TRMT9B: variants seen among roughly 807,000 people sequenced by gnomAD.
TRMT9B encodes probable tRNA methyltransferase 9B.
In TRMT9B, 16 loss-of-function variants were observed where a neutral mutation model predicts 11.5. The observed-to-expected ratio is 1.39, with a 90% confidence interval of 0.94 to 2.11. The LOEUF is 2.11. Ranked by LOEUF, TRMT9B falls within the 30% of genes most tolerant of loss-of-function variation. The pLI, the probability that TRMT9B is intolerant of heterozygous loss-of-function variation, is 0.00. For synonymous variants in TRMT9B, 274 were observed against 192.4 expected, an observed-to-expected ratio of 1.42 and a Z score of -3.51; for missense variants, 941 against 553.8, an observed-to-expected ratio of 1.70 and a Z score of -7.02.
intron 1 of TRMT9B, among the ~76,000 whole-genome samples, chr8:12,949,646 T>A (rs1190396895): frequency 1.3e-5 from 2 of 152,174 alleles, no homozygotes; most frequent in Non-Finnish European, 2.9e-5. Flanking sequence ...TCTCTAGGGA[T>A]TCTACATGTC....
intron 1 of TRMT9B, among the ~76,000 whole-genome samples, chr8:12,968,261 T>A (rs1327619950): frequency 9.9e-5 from 15 of 151,888 alleles, no homozygotes; most frequent in Non-Finnish European, 2.2e-4. Context: ...TCTACAGGAG[T>A]ATATGACTTT....
chr8:12,967,802 A>G (rs1803029579), intron 1 of TRMT9B, among the ~76,000 whole-genome samples: 1 of 152,240 alleles, frequency 6.6e-6, no homozygotes, highest in African/African-American at 2.4e-5. Context: ...ATGGGTTTTG[A>G]AGCATTGTTA....
Position 13,021,766 on chromosome 8 carries a change from G to T in TRMT9B, c.1087G>T (p.Gly363Cys), listed in dbSNP as rs1457009357. Residue 363 changes from glycine (G) to cysteine (C), a missense_variant, in exon 5 of 5, where the codon GGC becomes TGC. By Grantham distance (159) the Gly-to-Cys change is radical (BLOSUM62 -3). Transcript: ENST00000524591. ...TACTGGTGTGAATTGTGTGGATGCA[G>T]GCAACATAGAAGATGATAATCCTTC... Reference protein sequence around the residue: ...TNTGVNCVDAGNIEDDNPSAS... With the variant: ...TNTGVNCVDACNIEDDNPSAS... The T allele has an allele frequency of 6.2e-7, 1 of 1,613,834 alleles. No homozygotes were observed. Among genetic ancestry groups the T allele is most frequent in the African/African-American group, 1.3e-5 (1 of 74,926 alleles).
rs6986011 is a variant in TRMT9B at position 13,023,025 on chromosome 8, A to G, written c.*981A>G. On this transcript the variant is annotated 3_prime_UTR_variant, in exon 5 of 5. Transcript: ENST00000524591. ...AATAATAAAGGCGTTGTTAGCTTGT[A>G]AGGAGTGGAGTATGTAGGTAGTAGG... 2,743 of 167,086 alleles carry G rather than the reference A, an allele frequency of 0.016. 37 individuals carry two copies. Among genetic ancestry groups the G allele is most frequent in the Middle Eastern group, 0.054 (16 of 296 alleles). 10.4% of individuals were successfully genotyped at this position (167,086 alleles called of 1,614,324 possible). A position where few individuals can be genotyped will look rare whatever the true frequency, so the allele number is the denominator to read the frequency against.
In TRMT9B at chr8:13,027,208, T is replaced by C. The variant is rs1814790769; in HGVS notation, c.*5164T>C. 6.0e-6 allele frequency: 1 copy of C among 167,234 alleles called. No individual in the cohort carries two copies. The highest frequency in any genetic ancestry group is 2.4e-5 in the African/African-American group (1 of 41,584). 10.4% of individuals were successfully genotyped at this position (167,234 alleles called of 1,614,324 possible). ...TACATATGATACAAGGTAATGACTA[T>C]CTGGCATCTTGAAGGTACCCAGAAT... On this transcript the variant is annotated 3_prime_UTR_variant, in exon 5 of 5. Transcript: ENST00000524591.
chr8:12,953,629 G>A (rs982275157), intron 1 of TRMT9B, among the ~76,000 whole-genome samples: 1 of 152,146 alleles, frequency 6.6e-6, no homozygotes, highest in East Asian at 1.9e-4. Context: ...TTTAGCTAAC[G>A]AATGGTTAAC....
rs1585094941 is a variant in TRMT9B, at chr8:12,961,473, G to A, written c.-200+15507G>A. Among the ~76,000 whole-genome samples, 4 of 152,044 alleles carry A rather than the reference G, an allele frequency of 2.6e-5. No individual in the cohort carries two copies. The East Asian group carries it at 7.8e-4, about 30-fold the overall frequency. On this transcript the variant is annotated intron_variant, in intron 1 of 4. Coordinates refer to ENST00000524591, the MANE Select transcript of TRMT9B (RefSeq NM_020844.3). ...TCCCAGCACTTTGGGAGGCCGAGGT[G>A]GGCGGATCACGAGGTCAGGAGATGG...
intron 1 of TRMT9B, among the ~76,000 whole-genome samples, chr8:12,956,037 A>T (rs556260600): frequency 6.6e-6 from 1 of 152,330 alleles, no homozygotes; most frequent in South Asian, 2.1e-4. Flanking sequence ...ACCAACAACA[A>T]AAACAAGAAA....
chr8:12,974,844 G>A (rs761179392), intron 1 of TRMT9B, among the ~76,000 whole-genome samples: 7 of 152,048 alleles, frequency 4.6e-5, no homozygotes, highest in African/African-American at 1.2e-4. Context: ...AGCTCTTCAC[G>A]CCTGAGGTTG....
intron 1 of TRMT9B, among the ~76,000 whole-genome samples, chr8:12,953,999 AAATGTGCCTTTTTG>A (rs1290278955): frequency 1.3e-5 from 2 of 152,194 alleles, no homozygotes; most frequent in African/African-American, 4.8e-5. Context: ...TGTTCTTTGG[AAATGTGCCTTTTTG>A]CGTGTATATC....
intron 1 of TRMT9B, among the ~76,000 whole-genome samples, chr8:12,964,109 G>C (rs1401147458): frequency 6.6e-6 from 1 of 152,140 alleles, no homozygotes; most frequent in Non-Finnish European, 1.5e-5. Flanking sequence ...TATGATCAAG[G>C]TAGAATATTG....
intron 2 of TRMT9B, among the ~76,000 whole-genome samples, chr8:12,991,733 G>C (rs1313368539): frequency 2.6e-5 from 4 of 152,120 alleles, no homozygotes; most frequent in African/African-American, 9.7e-5. Flanking sequence ...CGGAGTTCAA[G>C]ACCAGCCTGG....
At chr8:12,986,848 A>G (rs976790393) in intron 1 of TRMT9B, among the ~76,000 whole-genome samples, 1 of 152,146 alleles carries the variant, frequency 6.6e-6, no homozygotes, top group African/African-American at 2.4e-5. Context: ...AAGCATTATT[A>G]ATATCATTCT....
chr8:12,955,878 T>C (rs1801239109), intron 1 of TRMT9B, among the ~76,000 whole-genome samples: 1 of 152,102 alleles, frequency 6.6e-6, no homozygotes, highest in Non-Finnish European at 1.5e-5. Context: ...GGGTTGCTGC[T>C]GTCATTGCCA....
chr8:12,976,045 T>C (rs1804396501), intron 1 of TRMT9B, among the ~76,000 whole-genome samples: 1 of 152,182 alleles, frequency 6.6e-6, no homozygotes, highest in Non-Finnish European at 1.5e-5. Context: ...TATTGAAATA[T>C]GAAGGACATA....
chr8:13,012,836 G>C lies in TRMT9B; in HGVS notation c.307G>C (p.Asp103His). Residue 103 changes from aspartate (D) to histidine (H), a missense_variant, in exon 4 of 5, where the codon GAT becomes CAT. Transcript: ENST00000524591. ...LNLPFRDEGF[D>H]AIISIGVIHH... is the part of the protein sequence containing the mutation. ...TCTCCCCTTTAGGGATGAGGGCTTC[G>C]ATGCCATCATCTCCATAGGAGGTAA... 6.2e-7 allele frequency: 1 copy of C among 1,613,828 alleles called. No homozygotes were observed.
chr8:13,018,127 C>T (rs920232026), intron 4 of TRMT9B, among the ~76,000 whole-genome samples: 2 of 143,806 alleles, frequency 1.4e-5, no homozygotes, highest in African/African-American at 2.6e-5. Flanking sequence ...CTTGGCCAGG[C>T]GTGGTGGTTC....
rs980342036 is a variant in TRMT9B, at chr8:13,028,481, C to T, written c.*6437C>T. 2.4e-5 allele frequency: 4 copies of T among 166,764 alleles called. No individual in the cohort carries two copies. The highest frequency in any genetic ancestry group is 9.7e-5 in the African/African-American group (4 of 41,336). 10.3% of individuals were successfully genotyped at this position (166,764 alleles called of 1,614,324 possible). A position where few individuals can be genotyped will look rare whatever the true frequency, so the allele number is the denominator to read the frequency against. ...AGTCACTGCAGTTAAGCCAGTGTAC[C>T]TTGATGTTGAATTCCCTGAAGAAGG... is the stretch of plus-strand genomic sequence containing the variant. On this transcript the variant is annotated 3_prime_UTR_variant, in exon 5 of 5. Coordinates refer to ENST00000524591, the MANE Select transcript of TRMT9B (RefSeq NM_020844.3).
chr8:13,012,665 G>T lies in TRMT9B; in HGVS notation c.155-19G>T, dbSNP rs769547437. ...TTTTCCATTGAGGATAGCATGTAACGCAGGTTTTTCTCTTATAGGTTGTGG... is the reference window on the plus strand; with the variant it reads ...TTTTCCATTGAGGATAGCATGTAACTCAGGTTTTTCTCTTATAGGTTGTGG... On this transcript the variant is annotated intron_variant, in intron 3 of 4. Transcript: ENST00000524591. 3 of 1,596,070 alleles carry T rather than the reference G, an allele frequency of 1.9e-6. No individual in the cohort carries two copies. In the African/African-American group the frequency reaches 4.0e-5, roughly 21 times the overall value.
Sources: gnomAD v4.1 joint callset for allele counts (sites outside exome capture counted in the v4.1 genomes callset) on GRCh38, gnomAD v4.1.1 for gene constraint, MANE v1.5 for transcripts, NCBI Gene and HGNC (gene_info 2026-07-23, HGNC 2026-07-21) for gene names.